Variants in FRMD5 observed in about 807,000 individuals in gnomAD.
FRMD5 encodes the protein FERM domain containing 5, also known as FERM domain-containing protein 5.
In FRMD5, 20 loss-of-function variants were observed where a neutral mutation model predicts 69.0. The observed-to-expected ratio is 0.29, with a 90% CI of 0.20 to 0.42. FRMD5 has a LOEUF of 0.42. Among genes scored for constraint, FRMD5 ranks in the 10% least tolerant of loss-of-function variants. The pLI is 1.00. For missense variants in FRMD5, 595 were observed against 708.6 expected, an observed-to-expected ratio of 0.84 and a Z score of 1.82; for synonymous variants, 271 against 260.1, an observed-to-expected ratio of 1.04 and a Z score of -0.40.
At chr15:44,124,584 A>T (rs936977371) in intron 1 of FRMD5, among the ~76,000 whole-genome samples, 1 of 151,974 alleles carries the variant, frequency 6.6e-6, no homozygotes, top group African/African-American at 2.4e-5. Context: ...CTGTAGTCCC[A>T]GCTACTTGGG....
chr15:44,030,753 C>T (rs1224141556), intron 1 of FRMD5, among the ~76,000 whole-genome samples: 5 of 152,134 alleles, frequency 3.3e-5, no homozygotes, highest in African/African-American at 1.2e-4. Context: ...TGGTTTGACT[C>T]TGTCTCCACA....
chr15:43,884,846 G>C (rs748310829), intron 11 of FRMD5, 51 bp from the exon 12 acceptor site: 1 of 1,472,406 alleles, frequency 6.8e-7, no homozygotes, highest in Non-Finnish European at 9.5e-7. Flanking sequence ...CTGTGTTGTA[G>C]GACAGCTCCT....
intron 1 of FRMD5, among the ~76,000 whole-genome samples, chr15:44,017,411 T>A (rs2140240379): frequency 6.6e-6 from 1 of 152,076 alleles, no homozygotes; most frequent in South Asian, 2.1e-4. Context: ...AATGAGATCA[T>A]GTATCTGCCA....
chr15:44,117,432 T>G (rs1356392503), intron 1 of FRMD5, among the ~76,000 whole-genome samples: 2 of 151,354 alleles, frequency 1.3e-5, no homozygotes, highest in African/African-American at 4.9e-5. Flanking sequence ...TAATAAAGAG[T>G]TGGGGAGGAC....
intron 1 of FRMD5, among the ~76,000 whole-genome samples, chr15:44,192,459 C>T (rs1251696529): frequency 2.0e-5 from 3 of 152,066 alleles, no homozygotes; most frequent in African/African-American, 7.2e-5. Context: ...AAATTATCAC[C>T]ATAAAATATA....
intron 1 of FRMD5, among the ~76,000 whole-genome samples, chr15:44,166,464 T>C (rs902975910): frequency 9.2e-5 from 14 of 152,164 alleles, no homozygotes; most frequent in Admixed American, 4.6e-4. Context: ...TTCTTTTTTA[T>C]TTCTCTCGTT....
At chr15:43,879,734 C>A (rs1033032294) in intron 13 of FRMD5, 21 of 398,680 alleles carry the variant, frequency 5.3e-5, no homozygotes, top group Admixed American at 2.2e-4. Flanking sequence ...AGAAACCAGC[C>A]AGGCAGGGAG....
At chr15:44,074,542 C>T (rs760897028) in intron 1 of FRMD5, among the ~76,000 whole-genome samples, 6 of 150,878 alleles carry the variant, frequency 4.0e-5, no homozygotes, top group African/African-American at 9.8e-5. Context: ...TTTGCTCTGT[C>T]GCCCAGGCTG....
intron 1 of FRMD5, among the ~76,000 whole-genome samples, chr15:44,096,206 C>CAAA (rs1213347011): frequency 3.2e-3 from 152 of 47,466 alleles, no homozygotes; most frequent in Non-Finnish European, 4.1e-3. Flanking sequence ...AACTCCATCT[C>CAAA]AAAAAAAAAA....
At chr15:44,113,029 T>C (rs945340959) in intron 1 of FRMD5, among the ~76,000 whole-genome samples, 1 of 152,244 alleles carries the variant, frequency 6.6e-6, no homozygotes, top group Non-Finnish European at 1.5e-5. Flanking sequence ...CTTATAGGAA[T>C]GGTTCTACAT....
At chr15:43,943,223 C>A (rs2089890885) in intron 1 of FRMD5, among the ~76,000 whole-genome samples, 1 of 151,972 alleles carries the variant, frequency 6.6e-6, no homozygotes, top group Non-Finnish European at 1.5e-5. Flanking sequence ...GCCTGGGCAA[C>A]AACAGTGAAA....
intron 1 of FRMD5, among the ~76,000 whole-genome samples, chr15:43,983,880 G>A (rs2090584832): frequency 6.6e-6 from 1 of 152,158 alleles, no homozygotes; most frequent in African/African-American, 2.4e-5. Context: ...GGCAGCAAGT[G>A]CTAGAGAAAA....
intron 4 of FRMD5, among the ~76,000 whole-genome samples, chr15:43,915,438 G>C (rs1248675305): frequency 6.6e-6 from 1 of 152,188 alleles, no homozygotes; most frequent in African/African-American, 2.4e-5. Flanking sequence ...GTTCATGTAT[G>C]TCTTGATTCA....
intron 1 of FRMD5, among the ~76,000 whole-genome samples, chr15:44,019,245 C>T (rs1891102310): frequency 6.6e-6 from 1 of 151,992 alleles, no homozygotes; most frequent in South Asian, 2.1e-4. Context: ...TTCTGCAGAC[C>T]ATATTTCACC....
intron 1 of FRMD5, among the ~76,000 whole-genome samples, chr15:44,161,684 A>G (rs1017822847): frequency 6.6e-6 from 1 of 152,110 alleles, no homozygotes; most frequent in African/African-American, 2.4e-5. Context: ...ATGGTGACCA[A>G]CTTCTCCCTC....
chr15:43,922,483 TC>T (rs1452603482), intron 2 of FRMD5, among the ~76,000 whole-genome samples: 7 of 152,172 alleles, frequency 4.6e-5, no homozygotes, highest in Non-Finnish European at 1.0e-4. Flanking sequence ...TTCTCCTCTT[TC>T]CCATGTTCTT....
At chr15:44,150,152 T>C (rs563424150) in intron 1 of FRMD5, among the ~76,000 whole-genome samples, 13 of 152,126 alleles carry the variant, frequency 8.5e-5, no homozygotes, top group African/African-American at 2.9e-4. Flanking sequence ...ATAGAAGAAA[T>C]TACCAATATA....
intron 3 of FRMD5, 46 bp downstream of exon 3, chr15:43,919,721 C>CCCT: frequency 6.3e-7 from 1 of 1,578,134 alleles, no homozygotes; most frequent in South Asian, 1.1e-5. Flanking sequence ...TTTCGTCCCA[C>CCCT]CCTCCCCAGG....
intron 1 of FRMD5, among the ~76,000 whole-genome samples, chr15:44,167,123 A>G (rs1026580882): frequency 2.0e-5 from 3 of 152,182 alleles, no homozygotes; most frequent in African/African-American, 7.2e-5. Context: ...CCTCCAAGCA[A>G]CTGGTTCATA....
Sources: allele counts gnomAD v4.1 joint callset (sites outside exome capture counted in the v4.1 genomes callset), GRCh38; gene constraint gnomAD v4.1.1; transcripts MANE v1.5; gene names NCBI Gene and HGNC (gene_info 2026-07-23, HGNC 2026-07-21).